CYP2R1: variants seen among roughly 807,000 people sequenced by gnomAD.
The protein encoded by CYP2R1 is vitamin D 25-hydroxylase.
CYP2R1 carries 40 observed loss-of-function variants against 45.7 expected under a neutral mutation model. That is an observed-to-expected ratio of 0.87 (90% CI 0.68 to 1.14). The LOEUF is 1.14. Ranked by LOEUF, CYP2R1 falls within the 50% of genes most tolerant of loss-of-function variation. The probability of loss-of-function intolerance (pLI) is 0.00; values close to 1 mark genes in which losing one functional copy is unlikely to be tolerated. For synonymous variants in CYP2R1, 234 were observed against 219.3 expected (o/e 1.07, Z -0.59); for missense variants, 605 against 602.6 (o/e 1.00, Z -0.04).
intron 2 of CYP2R1, among the ~76,000 whole-genome samples, chr11:14,885,331 C>G (rs1481370784): frequency 6.6e-6 from 1 of 152,098 alleles, no homozygotes; most frequent in Non-Finnish European, 1.5e-5. Flanking sequence ...GTCCTTTACA[C>G]AAACCATGCA....
intron 2 of CYP2R1, among the ~76,000 whole-genome samples, chr11:14,883,219 T>A (rs1848463776): frequency 6.6e-6 from 1 of 151,400 alleles, no homozygotes; most frequent in Admixed American, 6.6e-5. Flanking sequence ...AGAGCCTGCA[T>A]CGCCAAGTCA....
chr11:14,888,048 T>C (rs890825908), intron 1 of CYP2R1, among the ~76,000 whole-genome samples: 4 of 152,228 alleles, frequency 2.6e-5, no homozygotes, highest in Non-Finnish European at 5.9e-5. Flanking sequence ...GATATTCCTA[T>C]AGCTTGCTCC....
At chr11:14,883,617 G>A (rs1297663946) in intron 2 of CYP2R1, among the ~76,000 whole-genome samples, 2 of 152,090 alleles carry the variant, frequency 1.3e-5, no homozygotes, top group African/African-American at 4.8e-5. Flanking sequence ...TCAGGAGATA[G>A]GCATGGGCAA....
At chr11:14,885,119 G>C (rs1363650451) in intron 2 of CYP2R1, among the ~76,000 whole-genome samples, 5 of 152,136 alleles carry the variant, frequency 3.3e-5, no homozygotes, top group African/African-American at 1.2e-4. Flanking sequence ...AATTAAATGT[G>C]AAACTCAGAG....
chr11:14,888,054 G>C lies in CYP2R1; in HGVS notation c.226-2137C>G, dbSNP rs527852812. On this transcript the variant is annotated intron_variant, in intron 1 of 4. Transcript: ENST00000334636. ...CTTCCTTTTGATATTCCTATAGCTTGCTCCTTCATTTCCTTTGTCTTTGTT... is the reference window on the plus strand; with the variant it reads ...CTTCCTTTTGATATTCCTATAGCTTCCTCCTTCATTTCCTTTGTCTTTGTT... 3.3e-5 allele frequency among the ~76,000 whole-genome samples: 5 copies of C among 152,160 alleles called. No individual in the cohort carries two copies. In the South Asian group the frequency reaches 1.0e-3, roughly 32 times the overall value.
intron 1 of CYP2R1, among the ~76,000 whole-genome samples, chr11:14,889,853 G>C (rs539571564): frequency 6.6e-6 from 1 of 152,286 alleles, no homozygotes; most frequent in Non-Finnish European, 1.5e-5. Flanking sequence ...CATAGGCCGG[G>C]CGCAGTGGCT....
chr11:14,882,713 T>C lies in CYP2R1; in HGVS notation c.368-1945A>G, dbSNP rs374728728. ...TTAGGCAGGAGAAGGAAATAAAGGGTATTCAATTAGGAAAAGAGGAAGTCA... is the reference window on the plus strand; with the variant it reads ...TTAGGCAGGAGAAGGAAATAAAGGGCATTCAATTAGGAAAAGAGGAAGTCA... On this transcript the variant is annotated intron_variant, in intron 2 of 4. Transcript: ENST00000334636. Among the ~76,000 whole-genome samples the C allele has an allele frequency of 1.1e-4, 16 of 152,250 alleles. 1 individual carries two copies. In the East Asian group the frequency reaches 3.1e-3, roughly 29 times the overall value.
chr11:14,888,141 C>T (rs1174486447), intron 1 of CYP2R1, among the ~76,000 whole-genome samples: 1 of 152,154 alleles, frequency 6.6e-6, no homozygotes, highest in African/African-American at 2.4e-5. Context: ...GACCCACTAA[C>T]ATTCTCCATT....
chr11:14,886,168 G>A, intron 1 of CYP2R1: 1 of 490,288 alleles, frequency 2.0e-6, no homozygotes, highest in Non-Finnish European at 3.7e-6. Context: ...AAGGGTACTG[G>A]ACTCGGGAGG....
At chr11:14,887,664 C>T in intron 1 of CYP2R1, 2 of 984,972 alleles carry the variant, frequency 2.0e-6, no homozygotes, top group Non-Finnish European at 2.4e-6. Context: ...AAGTCTCTTT[C>T]CCTCACCCAA....
chr11:14,884,343 A>C (rs1295885458), intron 2 of CYP2R1, among the ~76,000 whole-genome samples: 4 of 152,010 alleles, frequency 2.6e-5, no homozygotes, highest in African/African-American at 4.8e-5. Context: ...ATGGAATACT[A>C]TGCAGCCATA....
rs557174910 is a variant in CYP2R1, at chr11:14,885,543, A to G, written c.367+233T>C. Among the ~76,000 whole-genome samples, 3 of 152,336 alleles carry G rather than the reference A, an allele frequency of 2.0e-5. No individual in the cohort carries two copies. In the East Asian group the frequency reaches 5.8e-4, roughly 29 times the overall value. On this transcript the variant is annotated intron_variant, in intron 2 of 4. Transcript: ENST00000334636. Reference sequence around the variant, plus strand: ...AGATGTTATTAGGTGTTGATTCTTTAAAACATTATTTATAATACTTATTAG... The same window carrying G: ...AGATGTTATTAGGTGTTGATTCTTTGAAACATTATTTATAATACTTATTAG...
intron 2 of CYP2R1, among the ~76,000 whole-genome samples, chr11:14,881,293 A>G (rs1848375720): frequency 6.6e-6 from 1 of 152,096 alleles, no homozygotes; most frequent in South Asian, 2.1e-4. Flanking sequence ...AGCTGTCAAT[A>G]TAGTCGAAAT....
chr11:14,883,974 T>C (rs1410078095), intron 2 of CYP2R1, among the ~76,000 whole-genome samples: 87 of 151,856 alleles, frequency 5.7e-4, no homozygotes, highest in African/African-American at 1.9e-3. Flanking sequence ...ATCAAAACCA[T>C]AATGAGATAC....
Position 14,878,004 on chromosome 11 carries a change from G to T in CYP2R1, c.*118C>A. On this transcript the variant is annotated 3_prime_UTR_variant, in exon 5 of 5. Transcript: ENST00000334636. ...TAGTACTATTTTAAGACACATCTGT[G>T]TTCATTTGGCTTTTTGATGCTGTGA... 9.6e-7 allele frequency: 1 copy of T among 1,037,224 alleles called. No homozygotes were observed. The highest frequency in any genetic ancestry group is 1.5e-6 in the Non-Finnish European group (1 of 687,942). 64.3% of individuals were successfully genotyped at this position (1,037,224 alleles called of 1,614,324 possible). A position where few individuals can be genotyped will look rare whatever the true frequency, so the allele number is the denominator to read the frequency against.
intron 1 of CYP2R1, chr11:14,887,487 A>T: frequency 1.5e-6 from 1 of 675,146 alleles, no homozygotes; most frequent in Non-Finnish European, 1.8e-6. Context: ...GTGAAAACTT[A>T]TCCTTAAACT....
At chr11:14,885,514 C>G (rs1380367160) in intron 2 of CYP2R1, among the ~76,000 whole-genome samples, 2 of 152,222 alleles carry the variant, frequency 1.3e-5, no homozygotes. Context: ...TTCACAAAAC[C>G]TGCAGATGTT....
At position 14,883,378 on chromosome 11, in the gene CYP2R1, C is replaced by T. The variant is rs186051394; in HGVS notation, c.367+2398G>A. Among the ~76,000 whole-genome samples the T allele has an allele frequency of 5.2e-3, 795 of 152,172 alleles. 8 individuals carry two copies. The highest frequency in any genetic ancestry group is 0.018 in the African/African-American group (743 of 41,500). ...AGAACAGAGCCCTCAGAAATAATGC[C>T]GCATATCTACAACTATCTGATCTTT... On this transcript the variant is annotated intron_variant, in intron 2 of 4. Coordinates refer to ENST00000334636, the MANE Select transcript of CYP2R1 (RefSeq NM_024514.5).
intron 1 of CYP2R1, 66 bp downstream of exon 1, chr11:14,891,914 AG>A: frequency 7.1e-6 from 11 of 1,556,612 alleles, no homozygotes; most frequent in Non-Finnish European, 9.6e-6. Context: ...AAGTCCAACC[AG>A]GAAGGCCCTG....
Sources: allele counts gnomAD v4.1 joint callset (sites outside exome capture counted in the v4.1 genomes callset), GRCh38; gene constraint gnomAD v4.1.1; transcripts MANE v1.5; gene names NCBI Gene and HGNC (gene_info 2026-07-23, HGNC 2026-07-21).